Variants in TRPC4 observed in about 807,000 individuals in gnomAD.
TRPC4 encodes the protein short transient receptor potential channel 4.
A neutral mutation model predicts 99.4 loss-of-function variants in TRPC4; 49 were observed. That is an observed-to-expected ratio of 0.49 (90% CI 0.39 to 0.63). The LOEUF (loss-of-function observed/expected upper bound fraction) is 0.63, where lower values mean the gene tolerates loss of function less well. TRPC4 is among the 20% of genes least tolerant of loss of function. The pLI, the probability that TRPC4 is intolerant of heterozygous loss-of-function variation, is 0.00. For missense variants in TRPC4, 898 were observed against 1,152.9 expected (o/e 0.78, Z 3.20); for synonymous variants, 454 against 425.9 (o/e 1.07, Z -0.81).
chr13:37,742,050 T>C (rs769688016), intron 3 of TRPC4, among the ~76,000 whole-genome samples: 8 of 152,102 alleles, frequency 5.3e-5, no homozygotes, highest in Non-Finnish European at 1.2e-4. Context: ...TTTGAATTGA[T>C]AGAAGATGTT....
intron 1 of TRPC4, among the ~76,000 whole-genome samples, chr13:37,836,798 G>A (rs1958578298): frequency 6.6e-6 from 1 of 152,202 alleles, no homozygotes; most frequent in Non-Finnish European, 1.5e-5. Context: ...AAGTAACAAG[G>A]AGCCAAATGT....
chr13:37,726,711 C>T (rs1371645788), intron 3 of TRPC4, among the ~76,000 whole-genome samples: 2 of 151,926 alleles, frequency 1.3e-5, no homozygotes, highest in African/African-American at 4.8e-5. Flanking sequence ...CTACAAGAGA[C>T]TCACCTTAAA....
At chr13:37,719,780 C>T (rs1421730077) in intron 3 of TRPC4, among the ~76,000 whole-genome samples, 5 of 151,382 alleles carry the variant, frequency 3.3e-5, no homozygotes, top group Non-Finnish European at 7.4e-5. Context: ...CAGAATAATG[C>T]CCTCCCTCCA....
intron 1 of TRPC4, among the ~76,000 whole-genome samples, chr13:37,811,697 G>T (rs1053864182): frequency 1.3e-5 from 2 of 152,092 alleles, no homozygotes; most frequent in African/African-American, 4.8e-5. Context: ...TAACAGGGAA[G>T]AATGCTTAGC....
chr13:37,662,242 A>G (rs1407362830), intron 6 of TRPC4, among the ~76,000 whole-genome samples: 1 of 152,082 alleles, frequency 6.6e-6, no homozygotes, highest in Non-Finnish European at 1.5e-5. Context: ...CCCTGGAGGC[A>G]GAGGTTGCAG....
At chr13:37,757,149 C>T (rs1489092536) in intron 2 of TRPC4, among the ~76,000 whole-genome samples, 1 of 151,900 alleles carries the variant, frequency 6.6e-6, no homozygotes, top group African/African-American at 2.4e-5. Context: ...AAAAGTTACA[C>T]TGGAAGATAA....
intron 2 of TRPC4, among the ~76,000 whole-genome samples, chr13:37,764,399 G>A (rs1956302611): frequency 6.6e-6 from 1 of 150,580 alleles, no homozygotes. Context: ...TTTGATTAGT[G>A]TCTAAAATTC....
chr13:37,645,639 G>C (rs1251353374), intron 8 of TRPC4, among the ~76,000 whole-genome samples: 1 of 152,132 alleles, frequency 6.6e-6, no homozygotes, highest in Non-Finnish European at 1.5e-5. Flanking sequence ...GGGCATTCCG[G>C]GATGTGATCC....
intron 1 of TRPC4, among the ~76,000 whole-genome samples, chr13:37,856,505 G>C (rs947106645): frequency 1.1e-4 from 16 of 151,310 alleles, no homozygotes; most frequent in Non-Finnish European, 1.5e-4. Flanking sequence ...CTGAGGAGGA[G>C]GGAATAACTC....
intron 1 of TRPC4, among the ~76,000 whole-genome samples, chr13:37,830,090 G>A (rs1010459690): frequency 3.9e-5 from 6 of 152,020 alleles, no homozygotes; most frequent in African/African-American, 1.5e-4. Flanking sequence ...GCAACATGAT[G>A]ACTATATTAA....
intron 1 of TRPC4, among the ~76,000 whole-genome samples, chr13:37,828,703 G>A (rs1958323103): frequency 6.6e-6 from 1 of 152,154 alleles, no homozygotes; most frequent in Admixed American, 6.6e-5. Context: ...AGGCCTGGAG[G>A]CCATTATCCT....
intron 1 of TRPC4, among the ~76,000 whole-genome samples, chr13:37,861,810 G>A (rs9315517): frequency 0.17 from 25,765 of 151,366 alleles, 2,233 homozygotes; most frequent in Non-Finnish European, 0.18. Flanking sequence ...CACATGCAGA[G>A]GGACATATCT....
At position 37,639,303 on chromosome 13, in the gene TRPC4, A is replaced by T. The variant is rs200344755; in HGVS notation, c.2080-4T>A. On this transcript the variant is annotated splice_region_variant and splice_polypyrimidine_tract_variant and intron_variant, in intron 8 of 10. Coordinates refer to ENST00000379705, the MANE Select transcript of TRPC4 (RefSeq NM_016179.4). ...TCAAGTTATCAGCAGCTCGCCTCTG[A>T]AAAGGAAAAGGACATTCCTTTCTGG... 2.2e-5 allele frequency: 36 copies of T among 1,613,576 alleles called. No individual in the cohort carries two copies. The highest frequency in any genetic ancestry group is 2.5e-6 in the Non-Finnish European group (3 of 1,179,582).
At chr13:37,800,506 C>T (rs1957373308) in intron 1 of TRPC4, among the ~76,000 whole-genome samples, 2 of 152,104 alleles carry the variant, frequency 1.3e-5, no homozygotes, top group South Asian at 4.1e-4. Flanking sequence ...CCATAGTATG[C>T]ATTTAGTATT....
At chr13:37,782,110 A>G (rs12869943) in intron 2 of TRPC4, among the ~76,000 whole-genome samples, 34,773 of 152,008 alleles carry the variant, frequency 0.23, 4,075 homozygotes, top group Admixed American at 0.27. Flanking sequence ...GCCTTGATGC[A>G]AGGAAGTGAC....
At position 37,646,286 on chromosome 13, in the gene TRPC4, G is replaced by T. The variant is rs147283512; in HGVS notation, c.2079+4979C>A. ...TGTTCTTCTCACCATGTGCTTGAGA[G>T]AAAACCAAAAAGCGGAAAACATAAA... On this transcript the variant is annotated intron_variant, in intron 8 of 10. Coordinates refer to ENST00000379705, the MANE Select transcript of TRPC4 (RefSeq NM_016179.4). 6.6e-5 allele frequency among the ~76,000 whole-genome samples: 10 copies of T among 152,096 alleles called. No homozygotes were observed. The East Asian group carries it at 1.9e-3, about 29-fold the overall frequency.
chr13:37,811,788 T>G (rs1021257837), intron 1 of TRPC4, among the ~76,000 whole-genome samples: 1 of 152,108 alleles, frequency 6.6e-6, no homozygotes, highest in Non-Finnish European at 1.5e-5. Flanking sequence ...TTAGGTAGAC[T>G]ACACAGAGGG....
At chr13:37,835,035 G>T (rs967945958) in intron 1 of TRPC4, among the ~76,000 whole-genome samples, 14 of 142,626 alleles carry the variant, frequency 9.8e-5, no homozygotes, top group African/African-American at 3.4e-4. Context: ...AGCAGGCCCA[G>T]CCTGTTTTTT....
intron 4 of TRPC4, among the ~76,000 whole-genome samples, chr13:37,689,263 G>A (rs565317098): frequency 9.9e-5 from 15 of 152,206 alleles, no homozygotes; most frequent in African/African-American, 2.9e-4. Flanking sequence ...TAATTTAATA[G>A]TCTCCTAGTG....
Sources: gnomAD v4.1 joint callset for allele counts (sites outside exome capture counted in the v4.1 genomes callset) on GRCh38, gnomAD v4.1.1 for gene constraint, MANE v1.5 for transcripts, NCBI Gene and HGNC (gene_info 2026-07-23, HGNC 2026-07-21) for gene names.